Variants in ZNF718 observed in about 807,000 individuals in gnomAD.
ZNF718 encodes the protein zinc finger protein 718.
ZNF718 carries 3 observed loss-of-function variants against 2.6 expected under a neutral mutation model. The ratio of observed to expected loss-of-function variants is 1.16; its 90% CI spans 0.53 to 3.01. The LOEUF is 3.01. Among genes scored for constraint, ZNF718 ranks in the 30% most tolerant of loss-of-function variants. ZNF718 has a pLI of 0.03. For missense variants in ZNF718, 468 were observed against 230.0 expected, an observed-to-expected ratio of 2.03 and a Z score of -6.69; for synonymous variants, 135 against 77.9, an observed-to-expected ratio of 1.73 and a Z score of -3.86.
upstream of ZNF718, chr4:124,478 G>C: frequency 1.5e-6 from 1 of 669,016 alleles, no homozygotes; most frequent in South Asian, 1.6e-5. Context: ...AGAGAGGAGG[G>C]TGCGGCATCC....
intron 3 of ZNF718, chr4:149,863 A>G (rs1716237336): frequency 6.6e-6 from 1 of 152,160 alleles, no homozygotes; most frequent in Admixed American, 6.5e-5. Flanking sequence ...CTTTTTAAGT[A>G]GGTGTAAATA....
chr4:143,283 C>G (rs1215547864), intron 3 of ZNF718, among the ~76,000 whole-genome samples: 2 of 152,270 alleles, frequency 1.3e-5, no homozygotes, highest in East Asian at 3.9e-4. Flanking sequence ...CCTCTGCCTC[C>G]CAGGTTCAAG....
intron 3 of ZNF718, among the ~76,000 whole-genome samples, chr4:148,766 T>C (rs11735742): frequency 0.2 from 30,436 of 151,970 alleles, 3,274 homozygotes; most frequent in Admixed American, 0.27. Flanking sequence ...GGCTAATTTA[T>C]AGATCACAGG....
chr4:124,734 T>TGGC, intron 1 of ZNF718, 61 bp downstream of exon 1: 1 of 1,597,588 alleles, frequency 6.3e-7, no homozygotes, highest in South Asian at 1.1e-5. Flanking sequence ...CGGCGGGAAA[T>TGGC]GGCGGCGGTG....
chr4:175,712 G>A (rs1717331528), intron 3 of ZNF718, among the ~76,000 whole-genome samples: 1 of 152,036 alleles, frequency 6.6e-6, no homozygotes, highest in African/African-American at 2.4e-5. Flanking sequence ...ATAATACTCT[G>A]CAGATTTACT....
At chr4:139,646 G>A (rs76913304) in intron 3 of ZNF718, among the ~76,000 whole-genome samples, 1,654 of 152,266 alleles carry the variant, frequency 0.011, 11 homozygotes, top group Non-Finnish European at 0.017. Context: ...TGCTTTGTGC[G>A]TTTTGTCCAA....
intron 3 of ZNF718, among the ~76,000 whole-genome samples, chr4:148,433 A>C (rs903173018): frequency 6.6e-5 from 10 of 151,988 alleles, no homozygotes; most frequent in African/African-American, 2.4e-4. Context: ...AATTGGCCAA[A>C]TCCCATCTCT....
intron 3 of ZNF718, among the ~76,000 whole-genome samples, chr4:170,493 C>A (rs927355788): frequency 4.6e-5 from 7 of 152,158 alleles, no homozygotes; most frequent in Non-Finnish European, 8.8e-5. Context: ...ACCAATCAGA[C>A]GTAGATTTGG....
chr4:198,099 G>A (rs1553822283), intron 3 of ZNF718, among the ~76,000 whole-genome samples: 1 of 152,138 alleles, frequency 6.6e-6, no homozygotes, highest in African/African-American at 2.4e-5. Flanking sequence ...TGCTTCAGAT[G>A]ATGTCCCCAG....
chr4:192,356 T>C (rs1010811183), intron 3 of ZNF718, among the ~76,000 whole-genome samples: 2 of 152,192 alleles, frequency 1.3e-5, no homozygotes, highest in Non-Finnish European at 2.9e-5. Context: ...AGTTGATACA[T>C]GATTTGACTA....
downstream of ZNF718, among the ~76,000 whole-genome samples, chr4:165,896 C>T (rs1004995079): frequency 7.2e-5 from 11 of 152,106 alleles, no homozygotes; most frequent in South Asian, 2.1e-4. Context: ...ATGTGCACAA[C>T]GTGCAGGTTA....
At chr4:126,651 T>A (rs1202136973) in intron 1 of ZNF718, among the ~76,000 whole-genome samples, 1 of 146,148 alleles carries the variant, frequency 6.8e-6, no homozygotes, top group African/African-American at 2.6e-5. Flanking sequence ...ATAAACTGTG[T>A]AAATGGTGCT....
chr4:164,503 T>C (rs1717041089), downstream of ZNF718, among the ~76,000 whole-genome samples: 1 of 152,152 alleles, frequency 6.6e-6, no homozygotes, highest in African/African-American at 2.4e-5. Context: ...ATTATCTGTT[T>C]TGTCTTATAC....
chr4:134,548 T>G (rs1715476369), intron 3 of ZNF718, among the ~76,000 whole-genome samples: 1 of 152,214 alleles, frequency 6.6e-6, no homozygotes, highest in Non-Finnish European at 1.5e-5. Context: ...TATAGATCAC[T>G]TATGATAATA....
intron 3 of ZNF718, among the ~76,000 whole-genome samples, chr4:185,588 A>C (rs868958789): frequency 6.6e-6 from 1 of 152,116 alleles, no homozygotes; most frequent in Non-Finnish European, 1.5e-5. Flanking sequence ...TAATATTATC[A>C]ATGGCTTGTT....
intron 3 of ZNF718, among the ~76,000 whole-genome samples, chr4:198,485 C>G (rs1326746116): frequency 6.6e-6 from 1 of 152,144 alleles, no homozygotes; most frequent in Admixed American, 6.5e-5. Context: ...AACTTCATTC[C>G]TCACCATCCT....
rs191635523 is a variant in ZNF718 at position 197,363 on chromosome 4, C to T, written c.227-3718C>T. 1.3e-3 allele frequency among the ~76,000 whole-genome samples: 201 copies of T among 152,162 alleles called. 1 individual carries two copies. The highest frequency in any genetic ancestry group is 4.6e-3 in the African/African-American group (193 of 41,528). ...ATGGGGCTAAGAAAGACAAAGATAA[C>T]ACACAAAGCTTGGGTCAGAACTGGA... On this transcript the variant is annotated intron_variant and NMD_transcript_variant, in intron 3 of 4. Transcript: ENST00000642529.
intron 3 of ZNF718, among the ~76,000 whole-genome samples, chr4:190,628 G>A (rs1269736066): frequency 1.3e-5 from 2 of 152,058 alleles, no homozygotes; most frequent in East Asian, 3.9e-4. Context: ...CTGAGCTAAC[G>A]AGAAGATTAG....
intron 1 of ZNF718, 127 bp downstream of exon 1, chr4:124,800 T>G: frequency 7.7e-7 from 1 of 1,306,122 alleles, no homozygotes; most frequent in Non-Finnish European, 1.1e-6. Context: ...TCCCCTCCGG[T>G]GAGGGACCCG....
Sources: gnomAD v4.1 joint callset for allele counts (sites outside exome capture counted in the v4.1 genomes callset) on GRCh38, gnomAD v4.1.1 for gene constraint, MANE v1.5 for transcripts, NCBI Gene and HGNC (gene_info 2026-07-23, HGNC 2026-07-21) for gene names.